Variants in SMURF1 observed in about 807,000 individuals in gnomAD.
SMURF1 encodes the protein E3 ubiquitin-protein ligase SMURF1.
A neutral mutation model predicts 98.0 loss-of-function variants in SMURF1; 44 were observed. The observed-to-expected ratio is 0.45, with a 90% CI of 0.35 to 0.58. The LOEUF is 0.58. Among genes scored for constraint, SMURF1 ranks in the 20% least tolerant of loss-of-function variants. SMURF1 has a pLI of 0.00. For synonymous variants in SMURF1, 396 were observed against 374.9 expected, an observed-to-expected ratio of 1.06 and a Z score of -0.65; for missense variants, 687 against 938.4, an observed-to-expected ratio of 0.73 and a Z score of 3.50.
Position 99,131,429 on chromosome 7 carries a change from A to G in SMURF1, c.55+12297T>C, listed in dbSNP as rs117344259. 8.1e-4 allele frequency among the ~76,000 whole-genome samples: 123 copies of G among 152,234 alleles called. 1 individual carries two copies. The East Asian group carries it at 0.013, about 16-fold the overall frequency. On this transcript the variant is annotated intron_variant, in intron 1 of 17. Coordinates refer to ENST00000361368, the MANE Select transcript of SMURF1 (RefSeq NM_181349.3). The stretch of plus-strand genomic sequence containing the variant: ...TGCAACCACCAAGACTACAAGGAAC[A>G]CTAAGGGACTTGGTAGGAAAGAATC...
chr7:99,142,454 C>G (rs980782905), intron 1 of SMURF1, among the ~76,000 whole-genome samples: 31 of 151,472 alleles, frequency 2.0e-4, no homozygotes. Flanking sequence ...AGGGCTGGAC[C>G]AGGGGGAAGT....
At position 99,143,970 on chromosome 7, in the gene SMURF1, C is replaced by T; in HGVS notation, c.-190G>A. 2.3e-6 allele frequency: 1 copy of T among 428,180 alleles called. No individual in the cohort carries two copies. The highest frequency in any genetic ancestry group is 4.0e-6 in the Non-Finnish European group (1 of 249,600). 26.5% of individuals were successfully genotyped at this position (428,180 alleles called of 1,614,324 possible). A position where few individuals can be genotyped will look rare whatever the true frequency, so the allele number is the denominator to read the frequency against. On this transcript the variant is annotated 5_prime_UTR_variant, in exon 1 of 18. Transcript: ENST00000361368. ...GGTCGAGCCGGGAGATCGGCGCTTG[C>T]TGCGGCGCTCTGACCCTCGCTGCTT...
intron 1 of SMURF1, among the ~76,000 whole-genome samples, chr7:99,096,350 G>A (rs1471538003): frequency 6.6e-6 from 1 of 152,150 alleles, no homozygotes; most frequent in East Asian, 1.9e-4. Flanking sequence ...AAACAAATGC[G>A]TCAATATTCT....
In SMURF1 at chr7:99,060,679, G is replaced by A. The variant is rs764180314; in HGVS notation, c.123C>T (p.Val41=). Residue 41 remains valine (V), a synonymous_variant, in exon 3 of 18, where the codon GTC becomes GTT. Coordinates refer to ENST00000361368, the MANE Select transcript of SMURF1 (RefSeq NM_181349.3). The stretch of plus-strand genomic sequence containing the variant: ...AGTGGCACTGCCCAGACCCATCCAC[G>A]ACAATCTTTGCAAAAGGGTCAGGGA... ...FRLPDPFAKI[V]VDGSGQCHST... 2.7e-5 allele frequency: 44 copies of A among 1,613,556 alleles called. No homozygotes were observed. Among genetic ancestry groups the A allele is most frequent in the South Asian group, 1.6e-4 (15 of 91,040 alleles).
intron 1 of SMURF1, among the ~76,000 whole-genome samples, chr7:99,062,309 C>T (rs1272270384): frequency 6.6e-6 from 1 of 151,780 alleles, no homozygotes; most frequent in Non-Finnish European, 1.5e-5. Context: ...CCCAGCCTAC[C>T]GATATTCTCT....
At position 99,030,564 on chromosome 7, in the gene SMURF1, CTGTT is replaced by C; in HGVS notation, c.*16_*19del. 6.2e-7 allele frequency: 1 copy of C among 1,610,880 alleles called. No homozygotes were observed. The highest frequency in any genetic ancestry group is 8.5e-7 in the Non-Finnish European group (1 of 1,177,160). ...TGGTCTGGTGGCCATGAGCTAGACT[CTGTT>C]GCCTTTGGTTGCTTTTCACTCCACA... is the stretch of plus-strand genomic sequence containing the variant. On this transcript the variant is annotated 3_prime_UTR_variant, in exon 18 of 18. Coordinates refer to ENST00000361368, the MANE Select transcript of SMURF1 (RefSeq NM_181349.3).
chr7:99,142,636 G>GT (rs1400046757), intron 1 of SMURF1, among the ~76,000 whole-genome samples: 1 of 131,408 alleles, frequency 7.6e-6, no homozygotes, highest in African/African-American at 2.9e-5. Flanking sequence ...GGAGGACGGT[G>GT]TGGGGGGGTG....
intron 1 of SMURF1, among the ~76,000 whole-genome samples, chr7:99,142,637 T>TG (rs760358945): frequency 0.053 from 2,849 of 53,542 alleles, 81 homozygotes; most frequent in Middle Eastern, 0.1. Context: ...GAGGACGGTG[T>TG]GGGGGGGTGA....
At chr7:99,054,735 C>T (rs973098397) in intron 6 of SMURF1, 55 bp downstream of exon 6, 15 of 1,517,090 alleles carry the variant, frequency 9.9e-6, no homozygotes, top group Admixed American at 6.7e-5. Context: ...TCCTATAGGC[C>T]GAGAGGTTAA....
chr7:99,084,682 C>T (rs972428157), intron 1 of SMURF1, among the ~76,000 whole-genome samples: 1 of 152,084 alleles, frequency 6.6e-6, no homozygotes, highest in South Asian at 2.1e-4. Context: ...CGCACCCAGC[C>T]GACTTTATTT....
intron 1 of SMURF1, among the ~76,000 whole-genome samples, chr7:99,112,515 A>C (rs1177417104): frequency 6.6e-6 from 1 of 152,218 alleles, no homozygotes; most frequent in African/African-American, 2.4e-5. Flanking sequence ...AACAATCCAC[A>C]GGGAGGGGGA....
At chr7:99,136,074 C>T (rs1383233750) in intron 1 of SMURF1, among the ~76,000 whole-genome samples, 1 of 152,206 alleles carries the variant, frequency 6.6e-6, no homozygotes, top group Non-Finnish European at 1.5e-5. Flanking sequence ...CATATACTTG[C>T]AGTCCCAGCT....
chr7:99,057,579 T>A, intron 3 of SMURF1, 28 bp from the exon 4 acceptor site: 1 of 1,519,892 alleles, frequency 6.6e-7, no homozygotes, highest in Non-Finnish European at 8.7e-7. Flanking sequence ...AACTCATTTT[T>A]AATTGTGTTT....
chr7:99,054,618 A>G (rs1795837357), intron 6 of SMURF1, among the ~76,000 whole-genome samples, 172 bp downstream of exon 6: 2 of 152,230 alleles, frequency 1.3e-5, no homozygotes, highest in African/African-American at 4.8e-5. Context: ...CTCCAGTTGT[A>G]TTTACAGCTT....
At chr7:99,073,935 G>A (rs1399318281) in intron 1 of SMURF1, among the ~76,000 whole-genome samples, 1 of 152,062 alleles carries the variant, frequency 6.6e-6, no homozygotes, top group Non-Finnish European at 1.5e-5. Flanking sequence ...CTCAGTTTTG[G>A]AACTGAGAAC....
chr7:99,049,606 G>T lies in SMURF1; in HGVS notation c.910C>A (p.Arg304=). 1 of 1,614,080 alleles carries T rather than the reference G, an allele frequency of 6.2e-7. No homozygotes were observed. Among genetic ancestry groups the T allele is most frequent in the Middle Eastern group, 1.6e-4 (1 of 6,062 alleles). ...GRIYFVDHNN[R]TTQFTDPRLH... is the part of the protein sequence containing the mutation. The stretch of plus-strand genomic sequence containing the variant: ...CTTGGGTCTGTAAACTGGGTTGTTC[G>T]GTTATTATGATCTACAAAATATATC... The change falls in exon 9 of 18, where the codon CGA becomes AGA. Residue 304 remains arginine (R), a synonymous_variant. Coordinates refer to ENST00000361368, the MANE Select transcript of SMURF1 (RefSeq NM_181349.3).
At chr7:99,069,812 A>G (rs1338624942) in intron 1 of SMURF1, among the ~76,000 whole-genome samples, 1 of 152,246 alleles carries the variant, frequency 6.6e-6, no homozygotes, top group East Asian at 1.9e-4. Context: ...AACTGAAACA[A>G]ACACTTCTTT....
At chr7:99,057,686 C>T in intron 3 of SMURF1, 135 bp from the exon 4 acceptor site, 1 of 1,053,826 alleles carries the variant, frequency 9.5e-7, no homozygotes, top group Non-Finnish European at 1.3e-6. Flanking sequence ...CTCACTGCAA[C>T]TCCCAAGTTC....
At chr7:99,126,538 C>T (rs1337603164) in intron 1 of SMURF1, among the ~76,000 whole-genome samples, 1 of 151,954 alleles carries the variant, frequency 6.6e-6, no homozygotes, top group Non-Finnish European at 1.5e-5. Context: ...TGCCTGTAGT[C>T]CCAGCTACTC....
Sources: allele counts gnomAD v4.1 joint callset (sites outside exome capture counted in the v4.1 genomes callset), GRCh38; gene constraint gnomAD v4.1.1; transcripts MANE v1.5; gene names NCBI Gene and HGNC (gene_info 2026-07-23, HGNC 2026-07-21).